The following ARFGAP2 variants were observed in gnomAD, a reference collection of about 807,000 sequenced individuals.
ARFGAP2 encodes the protein ARF GTPase activating protein 2, also known as ADP-ribosylation factor GTPase-activating protein 2.
Under a neutral mutation model 71.9 loss-of-function variants are expected in ARFGAP2, and 45 were observed. That is an observed-to-expected ratio of 0.63 (90% CI 0.49 to 0.80). The LOEUF (loss-of-function observed/expected upper bound fraction) is 0.80, where lower values mean the gene tolerates loss of function less well. ARFGAP2 is among the 30% of genes least tolerant of loss of function. The probability of loss-of-function intolerance (pLI) is 0.00; values close to 1 mark genes in which losing one functional copy is unlikely to be tolerated. For missense variants in ARFGAP2, 633 were observed against 673.9 expected (o/e 0.94, Z 0.67); for synonymous variants, 248 against 249.2 (o/e 1.00, Z 0.05).
chr11:47,174,757 T>C (rs928257086), intron 5 of ARFGAP2: 2 of 441,566 alleles, frequency 4.5e-6, no homozygotes, highest in Non-Finnish European at 8.3e-6. Flanking sequence ...GGACACCTCT[T>C]GAAACTTCAA....
At chr11:47,176,061 A>G in intron 2 of ARFGAP2, 138 bp from the exon 3 acceptor site, 1 of 768,272 alleles carries the variant, frequency 1.3e-6, no homozygotes, top group Non-Finnish European at 2.2e-6. Context: ...TTTCCTCCAC[A>G]CTACCCTGTC....
Position 47,165,517 on chromosome 11 carries a change from G to GGA in ARFGAP2, c.1546-17_1546-16dup. On this transcript the variant is annotated splice_polypyrimidine_tract_variant and intron_variant, in intron 15 of 15. Coordinates refer to ENST00000524782, the MANE Select transcript of ARFGAP2 (RefSeq NM_032389.6). ...CCGTAGCGATCCTGGGGGCGAGGGG[G>GGA]GAGAAAAAAAAAAAAAAAGTCAGAG... 1 of 1,518,260 alleles carries GGA rather than the reference G, an allele frequency of 6.6e-7. No homozygotes were observed. The highest frequency in any genetic ancestry group is 1.2e-5 in the South Asian group (1 of 80,086). The allele number at this position is 1,518,260 out of a possible 1,614,324, so 94.0% of individuals were successfully genotyped here.
Position 47,166,564 on chromosome 11 carries a change from G to T in ARFGAP2, c.1368C>A (p.Gly456=), listed in dbSNP as rs1182352783. Residue 456 remains glycine (G), a synonymous_variant, in exon 14 of 16, where the codon GGC becomes GGA. Transcript: ENST00000524782. The stretch of plus-strand genomic sequence containing the variant: ...GGTCTGAAGAGCTGATGGCACTGCT[G>T]CCTGAGAGCTGCTGCAGCCGAGACC... ...EARSRLQQLS[G]SSAISSSDLF... is the part of the protein sequence containing the mutation. The T allele has an allele frequency of 6.2e-7, 1 of 1,612,356 alleles. No individual in the cohort carries two copies. The highest frequency in any genetic ancestry group is 1.3e-5 in the African/African-American group (1 of 75,062).
intron 8 of ARFGAP2, 92 bp from the exon 9 acceptor site, chr11:47,171,892 A>G: frequency 1.3e-6 from 2 of 1,524,934 alleles, no homozygotes; most frequent in Non-Finnish European, 1.8e-6. Context: ...CACAAGGAAA[A>G]GGCCCTTCTT....
chr11:47,176,399 GC>G, intron 2 of ARFGAP2, 116 bp downstream of exon 2: 1 of 1,028,264 alleles, frequency 9.7e-7, no homozygotes, highest in Non-Finnish European at 1.5e-6. Flanking sequence ...GACCCTCTCG[GC>G]CCAGAGGCTT....
intron 10 of ARFGAP2, among the ~76,000 whole-genome samples, chr11:47,170,408 G>A (rs1265581577): frequency 1.3e-5 from 2 of 151,858 alleles, no homozygotes; most frequent in Non-Finnish European, 2.9e-5. Context: ...CACTTTGGGA[G>A]GCTGAGGCAG....
chr11:47,171,275 C>T, intron 10 of ARFGAP2, 151 bp downstream of exon 10: 1 of 1,253,298 alleles, frequency 8.0e-7, no homozygotes, highest in Non-Finnish European at 1.1e-6. Context: ...ATGCGCCAAG[C>T]ACTGTATTAG....
At chr11:47,167,849 C>G in intron 12 of ARFGAP2, 60 bp downstream of exon 12, 5 of 1,502,518 alleles carry the variant, frequency 3.3e-6, no homozygotes, top group Non-Finnish European at 4.4e-6. Flanking sequence ...TTAGAATTCT[C>G]TACCTTCAGC....
intron 1 of ARFGAP2, 39 bp from the exon 2 acceptor site, chr11:47,176,673 C>A (rs1225435075): frequency 1.2e-6 from 2 of 1,612,164 alleles, no homozygotes; most frequent in East Asian, 4.5e-5. Context: ...TCAGGGGCCC[C>A]GAGTAAAGGC....
At chr11:47,172,362 A>G in intron 7 of ARFGAP2, 29 bp from the exon 8 acceptor site, 1 of 1,613,496 alleles carries the variant, frequency 6.2e-7, no homozygotes, top group Non-Finnish European at 8.5e-7. Context: ...GGCATGAGCT[A>G]AGACAAAGGC....
Position 47,175,244 on chromosome 11 carries a change from G to A in ARFGAP2, c.334C>T (p.Gln112Ter). 2 of 1,614,140 alleles carry A rather than the reference G, an allele frequency of 1.2e-6. No homozygotes were observed. Among genetic ancestry groups the A allele is most frequent in the Non-Finnish European group, 1.7e-6 (2 of 1,180,012 alleles). Residue 112 changes from glutamine (Q) to a stop codon, truncating the protein, a stop_gained, in exon 4 of 16, where the codon CAG (glutamine) becomes TAG (stop). Transcript: ENST00000524782. LOFTEE classifies it high-confidence loss of function. Reference protein sequence around the residue: ...ANTKYNSRAAQMYREKIRQLG... With the variant: ...ANTKYNSRAA The stretch of plus-strand genomic sequence containing the variant: ...TGCCGGATCTTCTCCCGGTACATCT[G>A]GGCAGCTCGGCTATTATATTTGGTG...
rs139591977 is a variant in ARFGAP2, at chr11:47,166,830, G to A, written c.1262C>T (p.Ala421Val). ...SRSSGLESSE[A>V]RQKFAGAKAI... ...TTTGGCTCCTGCGAATTTCTGACGC[G>A]CCTCACTAGACTCGAGGCCTGAGCT... Residue 421 changes from alanine to valine, a missense_variant, in exon 13 of 16, where the codon GCG becomes GTG. Physicochemically the swap from Ala to Val is moderately conservative, Grantham distance 64. Coordinates refer to ENST00000524782, the MANE Select transcript of ARFGAP2 (RefSeq NM_032389.6). The A allele has an allele frequency of 2.9e-5, 46 of 1,613,950 alleles. No homozygotes were observed. The highest frequency in any genetic ancestry group is 4.0e-5 in the African/African-American group (3 of 74,926).
At position 47,164,786 on chromosome 11, in the gene ARFGAP2, AC is replaced by A. The variant is rs1476293910; in HGVS notation, c.*695del. ...ATTCCACAGCAGATGGTACAGAGGG[AC>A]CCTGAGACACCCTGAAACAATCTTC... is the stretch of plus-strand genomic sequence containing the variant. On this transcript the variant is annotated 3_prime_UTR_variant, in exon 16 of 16. Coordinates refer to ENST00000524782, the MANE Select transcript of ARFGAP2 (RefSeq NM_032389.6). The A allele has an allele frequency of 6.6e-6, 1 of 152,668 alleles. No homozygotes were observed. The highest frequency in any genetic ancestry group is 1.9e-4 in the East Asian group (1 of 5,198). 9.5% of individuals were successfully genotyped at this position (152,668 alleles called of 1,614,324 possible).
At chr11:47,170,748 C>T (rs1390959334) in intron 10 of ARFGAP2, among the ~76,000 whole-genome samples, 1 of 152,036 alleles carries the variant, frequency 6.6e-6, no homozygotes, top group African/African-American at 2.4e-5. Flanking sequence ...GAATTCGAGA[C>T]CAGGCTGGAC....
At position 47,176,841 on chromosome 11, in the gene ARFGAP2, G is replaced by C. The variant is rs762134597; in HGVS notation, c.13C>G (p.Pro5Ala). 1.4e-5 allele frequency: 23 copies of C among 1,613,550 alleles called. No individual in the cohort carries two copies. Among genetic ancestry groups the C allele is most frequent in the Non-Finnish European group, 1.9e-5 (23 of 1,179,946 alleles). The change falls in exon 1 of 16, where the codon CCG becomes GCG. Residue 5 changes from proline to alanine, a missense_variant. Pro to Ala is a conservative substitution (Grantham distance 27). Coordinates refer to ENST00000524782, the MANE Select transcript of ARFGAP2 (RefSeq NM_032389.6). MAAE[P>A]NKTEIQTLFK... ...AGAGTCTGGATTTCGGTCTTGTTCG[G>C]CTCCGCCGCCATTTTCTCTCCTTCC... is the stretch of plus-strand genomic sequence containing the variant.
Position 47,175,276 on chromosome 11 carries a change from T to G in ARFGAP2, c.302A>C (p.Asp101Ala). ...TCGGCTATTATATTTGGTGTTGGCA[T>G]CATTGGCTGTGCATCCATGTTGGCG... ...FFRQHGCTAN[D>A]ANTKYNSRAA... The change falls in exon 4 of 16, where the codon GAT becomes GCT. Residue 101 changes from aspartate (D) to alanine (A), a missense_variant. Physicochemically the swap from Asp to Ala is moderately radical, Grantham distance 126. Transcript: ENST00000524782. 1 of 1,614,144 alleles carries G rather than the reference T, an allele frequency of 6.2e-7. No homozygotes were observed. Among genetic ancestry groups the G allele is most frequent in the Non-Finnish European group, 8.5e-7 (1 of 1,180,030 alleles).
At chr11:47,175,145 T>C (rs759704961) in intron 4 of ARFGAP2, 37 bp downstream of exon 4, 2 of 1,614,124 alleles carry the variant, frequency 1.2e-6, no homozygotes, top group East Asian at 2.2e-5. Flanking sequence ...TGAATACTCC[T>C]AACCCTCCTG....
intron 3 of ARFGAP2, 145 bp downstream of exon 3, chr11:47,175,706 C>T (rs530271399): frequency 9.9e-6 from 9 of 909,424 alleles, no homozygotes; most frequent in African/African-American, 3.3e-5. Context: ...TGACCAGTTT[C>T]GAAGTTTTCA....
At position 47,166,839 on chromosome 11, in the gene ARFGAP2, G is replaced by C. The variant is rs771953152; in HGVS notation, c.1253C>G (p.Ser418Cys). 6.2e-6 allele frequency: 10 copies of C among 1,613,950 alleles called. No homozygotes were observed. The highest frequency in any genetic ancestry group is 8.5e-6 in the Non-Finnish European group (10 of 1,180,032). Residue 418 changes from serine to cysteine, a missense_variant, in exon 13 of 16, where the codon TCT (serine) becomes TGT (cysteine). By Grantham distance (112) the Ser-to-Cys change is moderately radical. Transcript: ENST00000524782. ...EVESRSSGLE[S>C]SEARQKFAGA... ...TGCGAATTTCTGACGCGCCTCACTA[G>C]ACTCGAGGCCTGAGCTCCGGCTCTC... is the stretch of plus-strand genomic sequence containing the variant.
Sources: allele counts gnomAD v4.1 joint callset (sites outside exome capture counted in the v4.1 genomes callset), GRCh38; gene constraint gnomAD v4.1.1; transcripts MANE v1.5; gene names NCBI Gene and HGNC (gene_info 2026-07-23, HGNC 2026-07-21).